The following KDM4C variants were observed in gnomAD, a reference collection of about 807,000 sequenced individuals.
The protein encoded by KDM4C is lysine-specific demethylase 4C.
A neutral mutation model predicts 129.3 loss-of-function variants in KDM4C; 81 were observed. That is an observed-to-expected ratio of 0.63 (90% confidence interval 0.52 to 0.75). The LOEUF (loss-of-function observed/expected upper bound fraction) is 0.75, where lower values mean the gene tolerates loss of function less well. Ranked by LOEUF, KDM4C falls within the 30% of genes least tolerant of loss-of-function variation. The pLI is 0.00. For synonymous variants in KDM4C, 573 were observed against 456.1 expected (o/e 1.26, Z -3.26); for missense variants, 1,457 against 1,304.0 (o/e 1.12, Z -1.81).
intron 17 of KDM4C, among the ~76,000 whole-genome samples, chr9:7,089,861 TAG>T (rs1198122556): frequency 6.6e-6 from 1 of 152,250 alleles, no homozygotes; most frequent in East Asian, 1.9e-4. Context: ...GCTGCTTTGC[TAG>T]AGTCATGAGA....
chr9:6,834,683 A>G, intron 4 of KDM4C: 2 of 835,176 alleles, frequency 2.4e-6, no homozygotes, highest in Non-Finnish European at 2.1e-6. Context: ...TGGCATCATT[A>G]CCAACTGGGA....
intron 8 of KDM4C, among the ~76,000 whole-genome samples, chr9:6,916,221 A>C (rs1385468288): frequency 4.8e-5 from 6 of 125,660 alleles, no homozygotes; most frequent in African/African-American, 1.6e-4. Flanking sequence ...AGTGTCTTGA[A>C]AGTTTTACAG....
chr9:7,024,288 C>CA (rs1825400366), intron 15 of KDM4C, among the ~76,000 whole-genome samples: 2 of 75,238 alleles, frequency 2.7e-5, no homozygotes, highest in African/African-American at 5.2e-5. Context: ...CTAATGTTTT[C>CA]GTTTTTTTTT....
At chr9:7,036,841 A>G (rs1484844549) in intron 15 of KDM4C, among the ~76,000 whole-genome samples, 1 of 152,204 alleles carries the variant, frequency 6.6e-6, no homozygotes, top group African/African-American at 2.4e-5. Context: ...TCTAGAGCAC[A>G]TCATGGTGAT....
At chr9:6,917,235 T>C (rs1820473698) in intron 8 of KDM4C, among the ~76,000 whole-genome samples, 1 of 152,000 alleles carries the variant, frequency 6.6e-6, no homozygotes, top group Non-Finnish European at 1.5e-5. Flanking sequence ...ACCATATAGG[T>C]ATCCATATTC....
chr9:7,059,991 A>G (rs1831389852), intron 17 of KDM4C, among the ~76,000 whole-genome samples: 1 of 152,146 alleles, frequency 6.6e-6, no homozygotes, highest in African/African-American at 2.4e-5. Context: ...AAGAGTCCGG[A>G]TACCAAAAAG....
intron 8 of KDM4C, among the ~76,000 whole-genome samples, chr9:6,922,601 G>T (rs191335288): frequency 5.3e-5 from 8 of 152,220 alleles, no homozygotes; most frequent in African/African-American, 1.9e-4. Context: ...ACAAAAATTA[G>T]TTGAATGTGG....
chr9:7,000,025 G>A (rs1820442838), intron 12 of KDM4C, among the ~76,000 whole-genome samples: 1 of 152,166 alleles, frequency 6.6e-6, no homozygotes, highest in Admixed American at 6.5e-5. Context: ...GATTGGCTTG[G>A]AATGTTTGTT....
chr9:6,803,512 G>A (rs1321603871), intron 2 of KDM4C, among the ~76,000 whole-genome samples: 2 of 151,586 alleles, frequency 1.3e-5, no homozygotes, highest in Non-Finnish European at 2.9e-5. Flanking sequence ...GGAGGTTGCG[G>A]TGAGCCGAGA....
At chr9:6,940,345 C>G (rs62533839) in intron 8 of KDM4C, among the ~76,000 whole-genome samples, 21 of 151,966 alleles carry the variant, frequency 1.4e-4, no homozygotes, top group Non-Finnish European at 2.8e-4. Context: ...CTAGCTGAGA[C>G]AATCATTCCT....
At chr9:7,062,014 C>T (rs528347763) in intron 17 of KDM4C, among the ~76,000 whole-genome samples, 2 of 152,320 alleles carry the variant, frequency 1.3e-5, no homozygotes, top group East Asian at 3.9e-4. Context: ...GTTGCCCAGG[C>T]TGGAGTGCAG....
chr9:6,798,728 A>G (rs970128345), intron 2 of KDM4C, among the ~76,000 whole-genome samples: 13 of 152,166 alleles, frequency 8.5e-5, no homozygotes, highest in South Asian at 2.1e-4. Context: ...CATTGTCATC[A>G]TGGCCCGTTC....
intron 18 of KDM4C, among the ~76,000 whole-genome samples, chr9:7,119,994 G>T (rs1839319575): frequency 6.6e-6 from 1 of 152,116 alleles, no homozygotes; most frequent in African/African-American, 2.4e-5. Flanking sequence ...TAGCACCTAG[G>T]AATGTGCCTT....
At chr9:6,725,224 A>T (rs1817083330) in intron 1 of KDM4C, among the ~76,000 whole-genome samples, 1 of 152,024 alleles carries the variant, frequency 6.6e-6, no homozygotes, top group African/African-American at 2.4e-5. Context: ...AGCATGTTGC[A>T]GGGGTAGAGC....
intron 1 of KDM4C, among the ~76,000 whole-genome samples, chr9:6,761,302 C>T (rs1446066247): frequency 6.6e-6 from 1 of 152,086 alleles, no homozygotes; most frequent in East Asian, 1.9e-4. Flanking sequence ...AACCACTGTG[C>T]CCGGCCTCTG....
chr9:7,071,992 C>T (rs1378296187), intron 17 of KDM4C, among the ~76,000 whole-genome samples: 1 of 152,038 alleles, frequency 6.6e-6, no homozygotes, highest in Non-Finnish European at 1.5e-5. Context: ...TAAAAAACTG[C>T]AAAATTTTAT....
chr9:6,863,169 C>T (rs1045100543), intron 5 of KDM4C, among the ~76,000 whole-genome samples: 3 of 151,726 alleles, frequency 2.0e-5, no homozygotes, highest in East Asian at 3.9e-4. Flanking sequence ...GCTTTAACTC[C>T]CCCCCACCCC....
chr9:6,907,891 A>G (rs1818607136), intron 8 of KDM4C, among the ~76,000 whole-genome samples: 1 of 152,228 alleles, frequency 6.6e-6, no homozygotes, highest in South Asian at 2.1e-4. Context: ...AAATTGTATC[A>G]TGGACTATGG....
At chr9:6,736,563 C>T (rs974119017) in intron 1 of KDM4C, among the ~76,000 whole-genome samples, 6 of 152,106 alleles carry the variant, frequency 3.9e-5, no homozygotes, top group Non-Finnish European at 7.4e-5. Flanking sequence ...GAGTTGGCAG[C>T]GTCCATGTGG....
Sources: gnomAD v4.1 joint callset for allele counts (sites outside exome capture counted in the v4.1 genomes callset) on GRCh38, gnomAD v4.1.1 for gene constraint, MANE v1.5 for transcripts, NCBI Gene and HGNC (gene_info 2026-07-23, HGNC 2026-07-21) for gene names.